Variants in PLEKHH2 observed in about 807,000 individuals in gnomAD.
PLEKHH2 encodes pleckstrin homology, MyTH4 and FERM domain containing H2, also known as pleckstrin homology domain-containing family H member 2.
In PLEKHH2, 129 loss-of-function variants were observed where a neutral mutation model predicts 187.9. That is an observed-to-expected ratio of 0.69 (90% confidence interval 0.59 to 0.79). The LOEUF (loss-of-function observed/expected upper bound fraction) is 0.79, where lower values mean the gene tolerates loss of function less well. Among genes scored for constraint, PLEKHH2 ranks in the 30% least tolerant of loss-of-function variants. The probability of loss-of-function intolerance (pLI) is 0.00; values close to 1 mark genes in which losing one functional copy is unlikely to be tolerated. For synonymous variants in PLEKHH2, 686 were observed against 605.6 expected, an observed-to-expected ratio of 1.13 and a Z score of -1.95; for missense variants, 2,076 against 1,751.2, an observed-to-expected ratio of 1.19 and a Z score of -3.31.
intron 15 of PLEKHH2, among the ~76,000 whole-genome samples, 193 bp downstream of exon 15, chr2:43,712,576 A>G (rs567738206): frequency 6.6e-6 from 1 of 152,388 alleles, no homozygotes; most frequent in Non-Finnish European, 1.5e-5. Context: ...TGACTATAAT[A>G]TGTAAAAATG....
At chr2:43,688,620 C>G (rs900769813) in intron 3 of PLEKHH2, among the ~76,000 whole-genome samples, 1 of 152,196 alleles carries the variant, frequency 6.6e-6, no homozygotes, top group Non-Finnish European at 1.5e-5. Flanking sequence ...CCCAACAGTA[C>G]TCTTGGGTTC....
chr2:43,705,703 C>T (rs993850813), intron 9 of PLEKHH2, among the ~76,000 whole-genome samples: 12 of 152,084 alleles, frequency 7.9e-5, no homozygotes, highest in Non-Finnish European at 1.3e-4. Flanking sequence ...CTCACTGCAA[C>T]CTCCCCTTCC....
chr2:43,734,492 T>A (rs1022324741), intron 19 of PLEKHH2, among the ~76,000 whole-genome samples: 1 of 152,166 alleles, frequency 6.6e-6, no homozygotes, highest in Non-Finnish European at 1.5e-5. Context: ...AACAAGTATA[T>A]GAATAAATGC....
rs145368795 is a variant in PLEKHH2 at position 43,710,283 on chromosome 2, C to T, written c.2167C>T (p.Arg723Trp). The T allele has an allele frequency of 2.0e-5, 33 of 1,613,954 alleles. No homozygotes were observed. The highest frequency in any genetic ancestry group is 1.1e-4 in the East Asian group (5 of 44,882). ...MSGKVKSWKRRWFVLKGGELL... is the reference protein window; with the variant it reads ...MSGKVKSWKRWWFVLKGGELL... Reference sequence around the variant, plus strand: ...TGGTAAAGTCAAGTCTTGGAAGCGGCGGTGGTTTGTTCTTAAAGGTGGTGA... The same window carrying T: ...TGGTAAAGTCAAGTCTTGGAAGCGGTGGTGGTTTGTTCTTAAAGGTGGTGA... The change falls in exon 13 of 30, where the codon CGG becomes TGG. Residue 723 changes from arginine (R) to tryptophan (W), a missense_variant. Physicochemically the swap from Arg to Trp is moderately radical, Grantham distance 101. Transcript: ENST00000282406.
intron 15 of PLEKHH2, among the ~76,000 whole-genome samples, chr2:43,718,193 G>A (rs1670303891): frequency 6.6e-6 from 1 of 152,078 alleles, no homozygotes; most frequent in South Asian, 2.1e-4. Context: ...TTTTCGTGAG[G>A]ATTCTTCCAG....
At chr2:43,722,255 CAAAA>C (rs5830768) in intron 16 of PLEKHH2, among the ~76,000 whole-genome samples, 5 of 123,500 alleles carry the variant, frequency 4.0e-5, no homozygotes, top group Non-Finnish European at 3.4e-5. Flanking sequence ...GACCCTATCT[CAAAA>C]AAAAAAAAAA....
intron 1 of PLEKHH2, among the ~76,000 whole-genome samples, chr2:43,639,377 T>G (rs1034284363): frequency 2.6e-5 from 4 of 152,170 alleles, no homozygotes; most frequent in African/African-American, 9.7e-5. Context: ...TCTAGAATAT[T>G]TTCATCACCC....
chr2:43,677,647 C>A (rs566651968), intron 2 of PLEKHH2, among the ~76,000 whole-genome samples: 1 of 152,082 alleles, frequency 6.6e-6, no homozygotes, highest in African/African-American at 2.4e-5. Flanking sequence ...TTTTCCCCAC[C>A]TTTCCCCCAT....
chr2:43,694,396 T>A, intron 4 of PLEKHH2, 35 bp from the exon 5 acceptor site: 1 of 1,531,782 alleles, frequency 6.5e-7, no homozygotes. Context: ...ATTGAGTTTA[T>A]GTTTGAACTA....
chr2:43,755,217 G>C (rs1672167952), intron 25 of PLEKHH2, among the ~76,000 whole-genome samples: 1 of 151,954 alleles, frequency 6.6e-6, no homozygotes, highest in Admixed American at 6.6e-5. Context: ...TCCCTCCTCT[G>C]TGTTCACATT....
intron 22 of PLEKHH2, among the ~76,000 whole-genome samples, chr2:43,743,600 A>G (rs1326452734): frequency 6.6e-6 from 1 of 152,152 alleles, no homozygotes; most frequent in Non-Finnish European, 1.5e-5. Flanking sequence ...TGATCATTCT[A>G]TTTTGGATTC....
chr2:43,695,269 A>T, intron 6 of PLEKHH2, 45 bp downstream of exon 6: 1 of 1,102,704 alleles, frequency 9.1e-7, no homozygotes, highest in Non-Finnish European at 1.3e-6. Context: ...TTATTTGACT[A>T]TATAGGCTTT....
At position 43,745,875 on chromosome 2, in the gene PLEKHH2, A is replaced by G. The variant is rs781362827; in HGVS notation, c.3565A>G (p.Ile1189Val). The G allele has an allele frequency of 5.6e-6, 9 of 1,608,060 alleles. No homozygotes were observed. Among genetic ancestry groups the G allele is most frequent in the Admixed American group, 5.0e-5 (3 of 59,610 alleles). ...TCCACTTCCTTTCTAGATTTGTGAC[A>G]TTATTTCCAAATGGGAACAGGCTTC... is the stretch of plus-strand genomic sequence containing the variant. Reference protein sequence around the residue: ...CLQGNIKICDIISKWEQASKE... With the variant: ...CLQGNIKICDVISKWEQASKE... The change falls in exon 24 of 30, where the codon ATT (isoleucine) becomes GTT (valine). Residue 1189 changes from isoleucine (I) to valine (V), a missense_variant. Physicochemically the swap from Ile to Val is conservative, Grantham distance 29 (BLOSUM62 3). Coordinates refer to ENST00000282406, the MANE Select transcript of PLEKHH2 (RefSeq NM_172069.4).
intron 2 of PLEKHH2, among the ~76,000 whole-genome samples, chr2:43,651,713 C>T (rs1030832624): frequency 6.6e-6 from 1 of 152,096 alleles, no homozygotes; most frequent in Non-Finnish European, 1.5e-5. Flanking sequence ...AAATCCCAGC[C>T]ATGAACAAGG....
rs1362515141 is a variant in PLEKHH2 at position 43,699,780 on chromosome 2, C to T, written c.822C>T (p.Gly274=). Residue 274 remains glycine (G), a synonymous_variant, in exon 8 of 30, where the codon GGC becomes GGT. Coordinates refer to ENST00000282406, the MANE Select transcript of PLEKHH2 (RefSeq NM_172069.4). The part of the protein sequence containing the change: ...KTRTSFATDG[G]ISQNSGAPVS... ...GAACAAGCTTTGCCACAGATGGTGG[C>T]ATCTCCCAGAATTCTGGGGCTCCTG... The T allele has an allele frequency of 1.2e-6, 2 of 1,614,180 alleles. No homozygotes were observed. Among genetic ancestry groups the T allele is most frequent in the African/African-American group, 1.3e-5 (1 of 75,048 alleles).
chr2:43,682,146 C>G (rs774263262), intron 3 of PLEKHH2, among the ~76,000 whole-genome samples: 1 of 152,036 alleles, frequency 6.6e-6, no homozygotes, highest in Admixed American at 6.6e-5. Context: ...AATCTGAAAC[C>G]AAACACCCTT....
At chr2:43,669,986 C>T (rs1261073075) in intron 2 of PLEKHH2, among the ~76,000 whole-genome samples, 3 of 152,056 alleles carry the variant, frequency 2.0e-5, no homozygotes, top group Admixed American at 6.5e-5. Flanking sequence ...ATTTAAGAAA[C>T]GTTTACAGAA....
chr2:43,699,536 C>A, intron 7 of PLEKHH2, 111 bp from the exon 8 acceptor site: 1 of 1,350,958 alleles, frequency 7.4e-7, no homozygotes, highest in Non-Finnish European at 1.0e-6. Flanking sequence ...CACCACTGCA[C>A]CCAGCAAATT....
chr2:43,720,175 C>G (rs114784541), intron 15 of PLEKHH2, among the ~76,000 whole-genome samples: 1 of 152,138 alleles, frequency 6.6e-6, no homozygotes, highest in Admixed American at 6.5e-5. Flanking sequence ...ATCTGTGAAA[C>G]CTCAGTCCTA....
Sources: allele counts gnomAD v4.1 joint callset (sites outside exome capture counted in the v4.1 genomes callset), GRCh38; gene constraint gnomAD v4.1.1; transcripts MANE v1.5; gene names NCBI Gene and HGNC (gene_info 2026-07-23, HGNC 2026-07-21).